Variants in ZCCHC14 observed in about 807,000 individuals in gnomAD.
ZCCHC14 encodes zinc finger CCHC domain-containing protein 14.
A neutral mutation model predicts 85.0 loss-of-function variants in ZCCHC14; 16 were observed. The ratio of observed to expected loss-of-function variants is 0.19; its 90% CI spans 0.13 to 0.29. The LOEUF (loss-of-function observed/expected upper bound fraction) is 0.29. Among genes scored for constraint, ZCCHC14 ranks in the 10% least tolerant of loss-of-function variants. The pLI is 1.00. For synonymous variants in ZCCHC14, 775 were observed against 630.7 expected, an observed-to-expected ratio of 1.23 and a Z score of -3.43; for missense variants, 1,303 against 1,443.5, an observed-to-expected ratio of 0.90 and a Z score of 1.58.
chr16:87,427,082 G>T (rs1199798827), intron 3 of ZCCHC14, among the ~76,000 whole-genome samples: 1 of 152,246 alleles, frequency 6.6e-6, no homozygotes, highest in Non-Finnish European at 1.5e-5. Flanking sequence ...CTAAGTCCTT[G>T]TCAATCAGCA....
Position 87,412,153 on chromosome 16 carries a change from G to A in ZCCHC14, c.2568C>T (p.Asn856=), listed in dbSNP as rs748624012. 6.2e-6 allele frequency: 10 copies of A among 1,613,916 alleles called. No homozygotes were observed. Among genetic ancestry groups the A allele is most frequent in the Non-Finnish European group, 8.5e-6 (10 of 1,180,036 alleles). ...PSSHPSTSFA[N]MATLPSCPAP... is the part of the protein sequence containing the mutation. ...CTGGGCAGCTGGGCAACGTGGCCATGTTGGCAAAGGACGTGGAGGGGTGGC... is the reference window on the plus strand; with the variant it reads ...CTGGGCAGCTGGGCAACGTGGCCATATTGGCAAAGGACGTGGAGGGGTGGC... Residue 856 remains asparagine, a synonymous_variant, in exon 12 of 13, where the codon AAC becomes AAT. Coordinates refer to ENST00000671377, the MANE Select transcript of ZCCHC14 (RefSeq NM_015144.3).
chr16:87,468,231 A>G (rs1169255043), intron 1 of ZCCHC14, among the ~76,000 whole-genome samples: 1 of 152,206 alleles, frequency 6.6e-6, no homozygotes, highest in Non-Finnish European at 1.5e-5. Flanking sequence ...TGACATCTGT[A>G]CGTAACCATT....
intron 10 of ZCCHC14, among the ~76,000 whole-genome samples, chr16:87,414,175 G>A (rs1049876074): frequency 4.7e-5 from 7 of 149,264 alleles, no homozygotes; most frequent in Middle Eastern, 3.4e-3. Context: ...CTCTGTGTAC[G>A]AGTAACCCAC....
intron 1 of ZCCHC14, among the ~76,000 whole-genome samples, chr16:87,465,410 G>A (rs1263166115): frequency 1.3e-5 from 2 of 152,218 alleles, no homozygotes; most frequent in Admixed American, 1.3e-4. Context: ...CAGACAATCA[G>A]ATTGTTCCAC....
chr16:87,442,862 G>A (rs1265802437), intron 2 of ZCCHC14, among the ~76,000 whole-genome samples: 1 of 152,190 alleles, frequency 6.6e-6, no homozygotes, highest in African/African-American at 2.4e-5. Context: ...ATATTTTAAA[G>A]TACTAAAGGC....
intron 2 of ZCCHC14, among the ~76,000 whole-genome samples, chr16:87,451,038 A>G (rs1240902605): frequency 6.6e-6 from 1 of 151,572 alleles, no homozygotes; most frequent in Non-Finnish European, 1.5e-5. Flanking sequence ...AGGTGGGATT[A>G]CAGGTGCGTG....
intron 2 of ZCCHC14, among the ~76,000 whole-genome samples, chr16:87,445,807 G>C (rs969141142): frequency 9.2e-5 from 14 of 152,080 alleles, no homozygotes; most frequent in African/African-American, 3.4e-4. Context: ...TGTCTCTTTT[G>C]ATGCCAAATT....
rs1297051116 is a variant in ZCCHC14, at chr16:87,419,784, T to C, written c.1044A>G (p.Pro348=). 6.3e-7 allele frequency: 1 copy of C among 1,596,786 alleles called. No individual in the cohort carries two copies. The highest frequency in any genetic ancestry group is 8.5e-7 in the Non-Finnish European group (1 of 1,174,944). ...TTTAACCATATTTTACAAACTCACTTGGACTCTGAAGCTGCTGTGGGGGAG... is the reference window on the plus strand; with the variant it reads ...TTTAACCATATTTTACAAACTCACTCGGACTCTGAAGCTGCTGTGGGGGAG... ...TSSPPQQLQS[P]SPGNPSLSKV... is the part of the protein sequence containing the mutation. Residue 348 remains proline, a splice_region_variant and synonymous_variant, in exon 6 of 13, where the codon CCA becomes CCG. Transcript: ENST00000671377.
rs766547110 is a variant in ZCCHC14, at chr16:87,492,907, C to CGCGGCGGCG, written c.-678_-670dup. ...CGCGGCGGACGGATCCGGGCCCGAG[C>CGCGGCGGCG]GCGGCGGCGGCGGCGACGGCGACGG... On this transcript the variant is annotated 5_prime_UTR_variant, in exon 1 of 13. Transcript: ENST00000671377. This position sits in a 1 kb window ranked among gnomAD's most constrained non-coding sequence, Gnocchi z 6.7. Among the ~76,000 whole-genome samples, 2 of 147,986 alleles carry CGCGGCGGCG rather than the reference C, an allele frequency of 1.4e-5. No individual in the cohort carries two copies. Among genetic ancestry groups the CGCGGCGGCG allele is most frequent in the African/African-American group, 2.5e-5 (1 of 40,512 alleles).
In ZCCHC14 at chr16:87,409,159, G is replaced by A. The variant is rs1347017047; in HGVS notation, c.*1121C>T. The A allele has an allele frequency of 1.3e-5, 2 of 152,214 alleles. No individual in the cohort carries two copies. The highest frequency in any genetic ancestry group is 1.5e-5 in the Non-Finnish European group (1 of 68,044). 9.4% of individuals were successfully genotyped at this position (152,214 alleles called of 1,614,324 possible). On this transcript the variant is annotated 3_prime_UTR_variant, in exon 13 of 13. Transcript: ENST00000671377. ...CACTGTTTTCCAAGTAATTTTTAAC[G>A]GAATTAACTATCAATACACAGCCTA...
rs547023586 is a variant in ZCCHC14, at chr16:87,419,651, G to C, written c.1045+132C>G. 8.2e-4 allele frequency: 524 copies of C among 641,008 alleles called. 1 individual carries two copies. Among genetic ancestry groups the C allele is most frequent in the Non-Finnish European group, 1.1e-3 (470 of 412,892 alleles). The allele number at this position is 641,008 out of a possible 1,614,324, so 39.7% of individuals were successfully genotyped here. On this transcript the variant is annotated intron_variant, in intron 6 of 12. Transcript: ENST00000671377. ...GGGTTTTTCCATGTTGGTCAGGCTG[G>C]TCTTGAACTCCCAACCTCAGGTGAT...
chr16:87,469,439 G>C (rs942095920), intron 1 of ZCCHC14, among the ~76,000 whole-genome samples: 2 of 152,230 alleles, frequency 1.3e-5, no homozygotes, highest in Non-Finnish European at 2.9e-5. Context: ...TCTGTGATTT[G>C]TGCACATTAA....
At chr16:87,460,205 A>T in intron 1 of ZCCHC14, 74 bp from the exon 2 acceptor site, 1 of 1,541,002 alleles carries the variant, frequency 6.5e-7, no homozygotes, top group South Asian at 1.2e-5. Context: ...TTGTTAATTA[A>T]GTCTTTCATA....
chr16:87,437,564 C>A (rs1909989715), intron 2 of ZCCHC14, among the ~76,000 whole-genome samples: 1 of 152,204 alleles, frequency 6.6e-6, no homozygotes, highest in Admixed American at 6.5e-5. Context: ...CGCACCCAGG[C>A]AGGCCTGTGT....
At position 87,420,956 on chromosome 16, in the gene ZCCHC14, T is replaced by A. The variant is rs1909064316; in HGVS notation, c.841-240A>T. Reference sequence around the variant, plus strand: ...AGCTTGACAATCTGCACAATCACAATGTTCCTTGAGCCCATCTGAGAGTTG... The same window carrying A: ...AGCTTGACAATCTGCACAATCACAAAGTTCCTTGAGCCCATCTGAGAGTTG... On this transcript the variant is annotated intron_variant, in intron 4 of 12. Coordinates refer to ENST00000671377, the MANE Select transcript of ZCCHC14 (RefSeq NM_015144.3). The surrounding 1 kb of genome is among the most constrained non-coding windows in gnomAD (Gnocchi z 5.0). Among the ~76,000 whole-genome samples the A allele has an allele frequency of 6.6e-6, 1 of 152,222 alleles. No individual in the cohort carries two copies.
At chr16:87,447,132 A>C (rs912795318) in intron 2 of ZCCHC14, among the ~76,000 whole-genome samples, 1 of 152,228 alleles carries the variant, frequency 6.6e-6, no homozygotes, top group African/African-American at 2.4e-5. Flanking sequence ...CACTCCGGCA[A>C]AGCTCTTTTG....
At chr16:87,443,393 T>C (rs1910279146) in intron 2 of ZCCHC14, among the ~76,000 whole-genome samples, 2 of 152,186 alleles carry the variant, frequency 1.3e-5, no homozygotes, top group South Asian at 2.1e-4. Context: ...AGTGAGCCTT[T>C]TATTTGCTAC....
chr16:87,457,733 C>T (rs968228207), intron 2 of ZCCHC14, among the ~76,000 whole-genome samples: 1 of 152,182 alleles, frequency 6.6e-6, no homozygotes, highest in Non-Finnish European at 1.5e-5. Context: ...TAAAACTATA[C>T]AACTTACTGT....
intron 1 of ZCCHC14, among the ~76,000 whole-genome samples, chr16:87,479,187 C>T (rs1912156422): frequency 6.6e-6 from 1 of 151,960 alleles, no homozygotes; most frequent in Non-Finnish European, 1.5e-5. Context: ...GAGGCTGAGG[C>T]GGGCAGATCA....
Sources: allele counts gnomAD v4.1 joint callset (sites outside exome capture counted in the v4.1 genomes callset), GRCh38; gene constraint gnomAD v4.1.1; non-coding constraint Gnocchi (gnomAD v3.1); transcripts MANE v1.5; gene names NCBI Gene and HGNC (gene_info 2026-07-23, HGNC 2026-07-21).